EML1: variants seen among roughly 807,000 people sequenced by gnomAD.
EML1 encodes EMAP like 1.
A neutral mutation model predicts 110.4 loss-of-function variants in EML1; 27 were observed. That is an observed-to-expected ratio of 0.24 (90% CI 0.18 to 0.34). The LOEUF (loss-of-function observed/expected upper bound fraction) is 0.34, where lower values mean the gene tolerates loss of function less well. EML1 is among the 10% of genes least tolerant of loss of function. The pLI is 1.00. For synonymous variants in EML1, 344 were observed against 385.8 expected, an observed-to-expected ratio of 0.89 and a Z score of 1.27; for missense variants, 741 against 1,030.9, an observed-to-expected ratio of 0.72 and a Z score of 3.85.
At chr14:99,817,163 G>C (rs576124343) in intron 1 of EML1, among the ~76,000 whole-genome samples, 1 of 152,040 alleles carries the variant, frequency 6.6e-6, no homozygotes, top group Non-Finnish European at 1.5e-5. Flanking sequence ...CTGGAGTGAC[G>C]GGCTTACTAC....
At chr14:99,916,260 G>T (rs1242611789) in intron 15 of EML1, among the ~76,000 whole-genome samples, 1 of 152,174 alleles carries the variant, frequency 6.6e-6, no homozygotes, top group East Asian at 1.9e-4. Context: ...TTGTTACGAG[G>T]CTTAGATGAA....
chr14:99,785,593 G>A (rs1037522950), intron 1 of EML1, among the ~76,000 whole-genome samples: 1 of 152,144 alleles, frequency 6.6e-6, no homozygotes, highest in African/African-American at 2.4e-5. Context: ...GTTGGATTCT[G>A]GAAAATACAG....
At chr14:99,842,609 A>C (rs2058650335) in intron 1 of EML1, among the ~76,000 whole-genome samples, 1 of 152,194 alleles carries the variant, frequency 6.6e-6, no homozygotes, top group African/African-American at 2.4e-5. Flanking sequence ...ATTTGAAGGC[A>C]AATATTGAGG....
chr14:99,906,416 G>T (rs1200249882), intron 9 of EML1, among the ~76,000 whole-genome samples: 1 of 152,160 alleles, frequency 6.6e-6, no homozygotes, highest in South Asian at 2.1e-4. Context: ...ATGGATTATT[G>T]ATGCCTCCCC....
intron 6 of EML1, among the ~76,000 whole-genome samples, chr14:99,896,435 T>G (rs1274107121): frequency 6.6e-6 from 1 of 152,184 alleles, no homozygotes; most frequent in Non-Finnish European, 1.5e-5. Flanking sequence ...TACATGAAAT[T>G]GAAGTGCTTC....
intron 3 of EML1, 104 bp from the exon 4 acceptor site, chr14:99,878,381 T>C: frequency 6.8e-6 from 10 of 1,475,362 alleles, no homozygotes; most frequent in Non-Finnish European, 8.1e-6. Flanking sequence ...GTCTTTTGAA[T>C]ATCCATGTGG....
chr14:99,886,682 C>A (rs1075899), intron 4 of EML1, among the ~76,000 whole-genome samples: 5,421 of 152,308 alleles, frequency 0.036, 334 homozygotes, highest in African/African-American at 0.12. Flanking sequence ...ACTTCTTACA[C>A]ATGTCACCAC....
intron 1 of EML1, among the ~76,000 whole-genome samples, chr14:99,844,675 C>G (rs1302435335): frequency 6.6e-6 from 1 of 152,098 alleles, no homozygotes; most frequent in Non-Finnish European, 1.5e-5. Flanking sequence ...CTTCAAAATT[C>G]CCTTGTGCAG....
At chr14:99,865,710 G>C (rs566669377) in intron 3 of EML1, 64 bp downstream of exon 3, 5 of 1,543,536 alleles carry the variant, frequency 3.2e-6, no homozygotes, top group Non-Finnish European at 4.4e-6. Flanking sequence ...TCCAACATGA[G>C]TATTACTTTT....
At chr14:99,840,559 G>C (rs1460713477) in intron 1 of EML1, among the ~76,000 whole-genome samples, 1 of 152,200 alleles carries the variant, frequency 6.6e-6, no homozygotes, top group East Asian at 1.9e-4. Context: ...GACATACAGC[G>C]GCTGGTGAAT....
At chr14:99,884,291 T>G (rs941061567) in intron 4 of EML1, among the ~76,000 whole-genome samples, 1 of 152,154 alleles carries the variant, frequency 6.6e-6, no homozygotes. Flanking sequence ...CAGCGCCTGT[T>G]TCTGTCTTTA....
At chr14:99,889,269 C>A (rs752470167) in intron 4 of EML1, among the ~76,000 whole-genome samples, 4 of 152,084 alleles carry the variant, frequency 2.6e-5, no homozygotes, top group Non-Finnish European at 4.4e-5. Flanking sequence ...CGGGGAGAGG[C>A]AGGATTGCTG....
chr14:99,861,291 G>T (rs1328760253), intron 2 of EML1, among the ~76,000 whole-genome samples: 2 of 152,208 alleles, frequency 1.3e-5, no homozygotes, highest in Non-Finnish European at 2.9e-5. Context: ...GCCAGGGCAA[G>T]GCGCTGTGGG....
chr14:99,915,899 G>C (rs1218027338), intron 15 of EML1, among the ~76,000 whole-genome samples: 3 of 152,180 alleles, frequency 2.0e-5, no homozygotes, highest in Non-Finnish European at 4.4e-5. Flanking sequence ...CTAGGTTCAA[G>C]TTTTGGCTCC....
At chr14:99,815,612 T>G (rs1019490748) in intron 1 of EML1, among the ~76,000 whole-genome samples, 1 of 152,226 alleles carries the variant, frequency 6.6e-6, no homozygotes, top group Non-Finnish European at 1.5e-5. Context: ...TAGCTTTTTA[T>G]TTTAGAGAGC....
At chr14:99,839,085 TC>T (rs200421471) in intron 1 of EML1, 1 of 79,694 alleles carries the variant, frequency 1.3e-5, no homozygotes, top group Admixed American at 1.0e-4. Context: ...ATTAGCAAAT[TC>T]CCTTAAATAC....
chr14:99,740,167 G>C (rs2057025842), intron 1 of EML1, among the ~76,000 whole-genome samples: 1 of 152,168 alleles, frequency 6.6e-6, no homozygotes, highest in African/African-American at 2.4e-5. Flanking sequence ...ACACTGTTTT[G>C]TTTATTACCT....
intron 10 of EML1, 67 bp from the exon 11 acceptor site, chr14:99,909,278 G>C (rs976311015): frequency 6.2e-7 from 1 of 1,609,378 alleles, no homozygotes; most frequent in Non-Finnish European, 8.5e-7. Flanking sequence ...CATTTTACTT[G>C]TTTTCCTACA....
chr14:99,798,129 C>A (rs113043768), intron 1 of EML1, among the ~76,000 whole-genome samples: 7 of 152,084 alleles, frequency 4.6e-5, no homozygotes, highest in Non-Finnish European at 1.0e-4. Context: ...TCCTTGGGTC[C>A]GTAGAGAATA....
Sources: allele counts gnomAD v4.1 joint callset (sites outside exome capture counted in the v4.1 genomes callset), GRCh38; gene constraint gnomAD v4.1.1; transcripts MANE v1.5; gene names NCBI Gene and HGNC (gene_info 2026-07-23, HGNC 2026-07-21).